The following MAP2K6 variants were observed in gnomAD, a reference collection of about 807,000 sequenced individuals.
MAP2K6 encodes the protein dual specificity mitogen-activated protein kinase kinase 6.
In MAP2K6, 16 loss-of-function variants were observed where a neutral mutation model predicts 53.7. The ratio of observed to expected loss-of-function variants is 0.30; its 90% CI spans 0.20 to 0.45. The LOEUF (loss-of-function observed/expected upper bound fraction) is 0.45. Ranked by LOEUF, MAP2K6 falls within the 20% of genes least tolerant of loss-of-function variation. The pLI is 1.00. For missense variants in MAP2K6, 204 were observed against 411.9 expected (o/e 0.50, Z 4.37); for synonymous variants, 132 against 143.1 (o/e 0.92, Z 0.55).
chr17:69,417,225 T>C (rs1905935019), intron 1 of MAP2K6, among the ~76,000 whole-genome samples: 1 of 152,238 alleles, frequency 6.6e-6, no homozygotes, highest in Non-Finnish European at 1.5e-5. Context: ...GCTACGCTAT[T>C]CTCAAATGGC....
chr17:69,464,625 G>A (rs993312819), intron 1 of MAP2K6, among the ~76,000 whole-genome samples: 1 of 152,008 alleles, frequency 6.6e-6, no homozygotes, highest in East Asian at 1.9e-4. Context: ...CAAGTGATCC[G>A]CCCATCTCAG....
At chr17:69,445,366 T>TAG (rs2145151978) in intron 1 of MAP2K6, among the ~76,000 whole-genome samples, 1 of 152,350 alleles carries the variant, frequency 6.6e-6, no homozygotes, top group Admixed American at 6.5e-5. Context: ...GGCTCAGCCT[T>TAG]AGCTAAGTCT....
intron 10 of MAP2K6, among the ~76,000 whole-genome samples, chr17:69,534,557 T>G (rs1911256305): frequency 1.5e-5 from 2 of 130,730 alleles, no homozygotes; most frequent in Middle Eastern, 7.4e-3. Flanking sequence ...AAACTTTCTC[T>G]CTCTCTTTTT....
At chr17:69,465,311 A>G (rs143484890) in intron 1 of MAP2K6, among the ~76,000 whole-genome samples, 39 of 152,156 alleles carry the variant, frequency 2.6e-4, no homozygotes, top group African/African-American at 9.2e-4. Flanking sequence ...CTATAAATCT[A>G]TAAGTTACAG....
intron 1 of MAP2K6, among the ~76,000 whole-genome samples, chr17:69,430,369 A>C (rs1906422533): frequency 6.6e-6 from 1 of 152,124 alleles, no homozygotes. Flanking sequence ...AAAATAGAGA[A>C]GCCAATTGGA....
At chr17:69,465,825 G>C (rs1230302603) in intron 1 of MAP2K6, among the ~76,000 whole-genome samples, 1 of 151,322 alleles carries the variant, frequency 6.6e-6, no homozygotes, top group Non-Finnish European at 1.5e-5. Flanking sequence ...CACCATGTTG[G>C]CTAGGCTGGT....
intron 1 of MAP2K6, among the ~76,000 whole-genome samples, chr17:69,462,845 A>T (rs557454880): frequency 1.4e-4 from 22 of 151,976 alleles, no homozygotes; most frequent in African/African-American, 5.3e-4. Flanking sequence ...CTGTAATCCC[A>T]GCACTTTGGG....
At position 69,517,436 on chromosome 17, in the gene MAP2K6, A is replaced by C. The variant is rs935965446; in HGVS notation, c.133-64A>C. 15 of 830,424 alleles carry C rather than the reference A, an allele frequency of 1.8e-5. No individual in the cohort carries two copies. The African/African-American group carries it at 2.3e-4, about 12-fold the overall frequency. 51.4% of individuals were successfully genotyped at this position (830,424 alleles called of 1,614,324 possible). On this transcript the variant is annotated intron_variant, in intron 3 of 11. Coordinates refer to ENST00000590474, the MANE Select transcript of MAP2K6 (RefSeq NM_002758.4). ...CATTGAGAGAAACGAGATAGAGGAT[A>C]ATGTGCTCTCTGTTCTGTTTATTTT...
In MAP2K6 at chr17:69,512,204, G is replaced by C. The variant is rs193160974; in HGVS notation, c.84-4651G>C. Among the ~76,000 whole-genome samples, 301 of 151,936 alleles carry C rather than the reference G, an allele frequency of 2.0e-3. 1 individual carries two copies. Among genetic ancestry groups the C allele is most frequent in the African/African-American group, 7.0e-3 (291 of 41,418 alleles). ...TGTACTCTTAGCCACACATCAGACTGGTAGAGGCTGTGAGCAAACAGTTTA... is the reference window on the plus strand; with the variant it reads ...TGTACTCTTAGCCACACATCAGACTCGTAGAGGCTGTGAGCAAACAGTTTA... On this transcript the variant is annotated intron_variant, in intron 2 of 11. Transcript: ENST00000590474.
At chr17:69,486,194 A>G (rs1238779586) in intron 1 of MAP2K6, among the ~76,000 whole-genome samples, 1 of 152,192 alleles carries the variant, frequency 6.6e-6, no homozygotes, top group African/African-American at 2.4e-5. Context: ...TTGAAGCCCA[A>G]CGACTGTAAT....
intron 4 of MAP2K6, among the ~76,000 whole-genome samples, chr17:69,518,970 G>C (rs1321851276): frequency 6.6e-6 from 1 of 152,176 alleles, no homozygotes; most frequent in East Asian, 1.9e-4. Context: ...TGGGACCCCA[G>C]ATAAGCAGCA....
chr17:69,489,459 T>C (rs1908664204), intron 1 of MAP2K6, among the ~76,000 whole-genome samples: 1 of 152,218 alleles, frequency 6.6e-6, no homozygotes. Flanking sequence ...CCTGGAACAA[T>C]TTCCAGACTT....
intron 1 of MAP2K6, among the ~76,000 whole-genome samples, chr17:69,464,262 A>G (rs1907724092): frequency 6.6e-6 from 1 of 151,670 alleles, no homozygotes; most frequent in South Asian, 2.1e-4. Flanking sequence ...TGTCAAATGG[A>G]GACAGTAATA....
chr17:69,503,987 C>T (rs1027012904), intron 1 of MAP2K6, among the ~76,000 whole-genome samples: 1 of 152,122 alleles, frequency 6.6e-6, no homozygotes, highest in Non-Finnish European at 1.5e-5. Flanking sequence ...TCACCTGCCC[C>T]CTCTCCAGTC....
chr17:69,487,111 C>T (rs1290461237), intron 1 of MAP2K6, among the ~76,000 whole-genome samples: 1 of 152,192 alleles, frequency 6.6e-6, no homozygotes, highest in African/African-American at 2.4e-5. Context: ...AGTAGAAAGC[C>T]TGTACAGTGG....
At chr17:69,516,783 G>GTT (rs35105918) in intron 2 of MAP2K6, 72 bp from the exon 3 acceptor site, 424,911 of 1,072,908 alleles carry the variant, frequency 0.4, 87,171 homozygotes, top group African/African-American at 0.51. Flanking sequence ...TATCCTCAGT[G>GTT]GTGTGTGATT....
chr17:69,415,082 G>T, intron 1 of MAP2K6, 82 bp downstream of exon 1: 4 of 1,360,728 alleles, frequency 2.9e-6, no homozygotes, highest in Non-Finnish European at 4.2e-6. Flanking sequence ...TTTTCGCCTG[G>T]CGAGTGCATT....
At chr17:69,421,108 C>G (rs1293416465) in intron 1 of MAP2K6, among the ~76,000 whole-genome samples, 1 of 152,090 alleles carries the variant, frequency 6.6e-6, no homozygotes, top group Non-Finnish European at 1.5e-5. Flanking sequence ...AATAGGTGCT[C>G]AAAAAATGTC....
intron 1 of MAP2K6, among the ~76,000 whole-genome samples, chr17:69,474,972 C>T (rs1908095416): frequency 1.3e-5 from 2 of 152,112 alleles, no homozygotes; most frequent in African/African-American, 2.4e-5. Context: ...AAAAGTCAGG[C>T]TCTAGGAATA....
Sources: allele counts gnomAD v4.1 joint callset (sites outside exome capture counted in the v4.1 genomes callset), GRCh38; gene constraint gnomAD v4.1.1; transcripts MANE v1.5; gene names NCBI Gene and HGNC (gene_info 2026-07-23, HGNC 2026-07-21).